The following PLCL1 variants were observed in gnomAD, a reference collection of about 807,000 sequenced individuals.
The protein encoded by PLCL1 is inactive phospholipase C-like protein 1.
In PLCL1, 41 loss-of-function variants were observed where a neutral mutation model predicts 84.4. The observed-to-expected ratio is 0.49, with a 90% CI of 0.38 to 0.63. The LOEUF (loss-of-function observed/expected upper bound fraction) is 0.63. Among genes scored for constraint, PLCL1 ranks in the 30% least tolerant of loss-of-function variants. PLCL1 has a pLI of 0.00. For synonymous variants in PLCL1, 490 were observed against 488.3 expected (o/e 1.00, Z -0.05); for missense variants, 1,206 against 1,367.8 (o/e 0.88, Z 1.87).
chr2:197,931,451 G>A (rs945195100), intron 1 of PLCL1, among the ~76,000 whole-genome samples: 12 of 152,092 alleles, frequency 7.9e-5, no homozygotes, highest in African/African-American at 2.4e-4. Context: ...AGTCTACACC[G>A]GCTGATCTTC....
chr2:198,063,094 T>A (rs911035692), intron 1 of PLCL1, among the ~76,000 whole-genome samples: 6 of 152,230 alleles, frequency 3.9e-5, no homozygotes, highest in Non-Finnish European at 7.3e-5. Context: ...GGTTCCAGTC[T>A]CATTTAATAG....
intron 1 of PLCL1, among the ~76,000 whole-genome samples, chr2:197,902,679 C>T (rs1356248740): frequency 1.3e-5 from 2 of 152,128 alleles, no homozygotes; most frequent in African/African-American, 4.8e-5. Context: ...ATGACAAATG[C>T]CAGGCTTTTC....
intron 1 of PLCL1, among the ~76,000 whole-genome samples, chr2:197,851,270 G>T (rs1687230963): frequency 6.6e-6 from 1 of 152,178 alleles, no homozygotes; most frequent in Admixed American, 6.5e-5. Context: ...TAAACATGAA[G>T]ATAGGATTTC....
At chr2:197,880,633 T>C (rs1687812189) in intron 1 of PLCL1, among the ~76,000 whole-genome samples, 1 of 152,310 alleles carries the variant, frequency 6.6e-6, no homozygotes, top group East Asian at 1.9e-4. Flanking sequence ...GTTAGGATTT[T>C]ATCTAGCACA....
intron 1 of PLCL1, among the ~76,000 whole-genome samples, chr2:197,856,491 C>T (rs1404106197): frequency 6.6e-6 from 1 of 152,038 alleles, no homozygotes; most frequent in Non-Finnish European, 1.5e-5. Flanking sequence ...TGAAAAAAAT[C>T]AGAAAAGCAT....
intron 1 of PLCL1, among the ~76,000 whole-genome samples, chr2:197,942,128 T>A (rs1362137113): frequency 1.3e-5 from 2 of 152,226 alleles, no homozygotes; most frequent in Admixed American, 6.5e-5. Flanking sequence ...ATGTGAAGAA[T>A]ATTTCCTTTT....
intron 1 of PLCL1, among the ~76,000 whole-genome samples, chr2:197,854,539 A>G (rs1262143847): frequency 6.6e-6 from 1 of 152,236 alleles, no homozygotes; most frequent in African/African-American, 2.4e-5. Flanking sequence ...GCAAAGGTAT[A>G]TAGTGCAAGA....
chr2:197,805,364 G>C lies in PLCL1; in HGVS notation c.240+25G>C, dbSNP rs1053505708. 4.5e-6 allele frequency: 6 copies of C among 1,337,112 alleles called. No individual in the cohort carries two copies. The highest frequency in any genetic ancestry group is 5.7e-6 in the Non-Finnish European group (6 of 1,049,684). The allele number at this position is 1,337,112 out of a possible 1,614,324, so 82.8% of individuals were successfully genotyped here. ...GGTAAGCAAAGCCGCGCCGCACCGGGAGCGTGGCTGTGGGTGATGGGTGGG... is the reference window on the plus strand; with the variant it reads ...GGTAAGCAAAGCCGCGCCGCACCGGCAGCGTGGCTGTGGGTGATGGGTGGG... On this transcript the variant is annotated intron_variant, in intron 1 of 5. Transcript: ENST00000428675. The surrounding 1 kb of genome is among the most constrained non-coding windows in gnomAD (Gnocchi z 4.0).
chr2:198,025,821 A>G (rs576327222), intron 1 of PLCL1, among the ~76,000 whole-genome samples: 1 of 152,266 alleles, frequency 6.6e-6, no homozygotes, highest in Admixed American at 6.5e-5. Context: ...AGTGATAACA[A>G]TCACTTAGGA....
intron 1 of PLCL1, among the ~76,000 whole-genome samples, chr2:198,009,638 T>A (rs1298729522): frequency 1.3e-5 from 2 of 152,186 alleles, no homozygotes; most frequent in East Asian, 3.9e-4. Context: ...ACTTTGTTCT[T>A]TTTCAAGATT....
intron 5 of PLCL1, among the ~76,000 whole-genome samples, chr2:198,118,651 T>C (rs1432084685): frequency 2.6e-5 from 4 of 152,022 alleles, no homozygotes; most frequent in African/African-American, 9.7e-5. Context: ...TGTCATTTCT[T>C]TTTTGCAGCA....
Position 197,959,980 on chromosome 2 carries a change from T to A in PLCL1, c.241-123778T>A, listed in dbSNP as rs555529193. Among the ~76,000 whole-genome samples the A allele has an allele frequency of 3.9e-5, 6 of 152,174 alleles. No individual in the cohort carries two copies. The South Asian group carries it at 1.0e-3, about 26-fold the overall frequency. Reference sequence around the variant, plus strand: ...CATCTGTGGCACCTCCACCTCTCAATTATAAATGACAAAGAGAGAACTAGG... The same window carrying A: ...CATCTGTGGCACCTCCACCTCTCAAATATAAATGACAAAGAGAGAACTAGG... On this transcript the variant is annotated intron_variant, in intron 1 of 5. Transcript: ENST00000428675.
intron 1 of PLCL1, among the ~76,000 whole-genome samples, chr2:197,815,325 G>A (rs973888545): frequency 6.6e-6 from 1 of 152,164 alleles, no homozygotes; most frequent in Non-Finnish European, 1.5e-5. Flanking sequence ...CAGCACATAT[G>A]TTTATAGCAT....
chr2:197,851,867 C>T (rs1168614866), intron 1 of PLCL1, among the ~76,000 whole-genome samples: 1 of 152,188 alleles, frequency 6.6e-6, no homozygotes, highest in African/African-American at 2.4e-5. Flanking sequence ...CTCACCCAAA[C>T]CCTGATGATT....
chr2:197,871,395 G>A (rs1472538879), intron 1 of PLCL1, among the ~76,000 whole-genome samples: 2 of 152,102 alleles, frequency 1.3e-5, no homozygotes, highest in Non-Finnish European at 2.9e-5. Flanking sequence ...TAAGGCAGAA[G>A]TTCTCAAGTG....
chr2:198,005,569 GGA>G (rs1208232582), intron 1 of PLCL1, among the ~76,000 whole-genome samples: 2 of 152,236 alleles, frequency 1.3e-5, no homozygotes, highest in African/African-American at 4.8e-5. Flanking sequence ...CTGTTCACAA[GGA>G]TATTATAGTC....
intron 1 of PLCL1, among the ~76,000 whole-genome samples, chr2:197,997,572 C>A (rs1271881414): frequency 6.6e-6 from 1 of 152,226 alleles, no homozygotes; most frequent in African/African-American, 2.4e-5. Context: ...CCTGCACGCA[C>A]TGATGGCTGT....
intron 1 of PLCL1, among the ~76,000 whole-genome samples, chr2:197,956,391 G>A (rs1185223830): frequency 2.0e-5 from 3 of 152,136 alleles, no homozygotes; most frequent in Non-Finnish European, 4.4e-5. Context: ...ACATGTGCAT[G>A]TGTCTTTATA....
Position 198,088,895 on chromosome 2 carries a change from C to G in PLCL1, c.2753C>G (p.Pro918Arg). The part of the protein sequence containing the change: ...IVSIKELCGL[P>R]PIASLKQCLL... ...TCTATTAAGGAACTATGTGGACTCC[C>G]TCCAATTGCCAGTCTGAAGCAGTGC... Residue 918 changes from proline to arginine, a missense_variant, in exon 3 of 6, where the codon CCT becomes CGT. Pro to Arg is a moderately radical substitution (Grantham distance 103). Transcript: ENST00000428675. The G allele has an allele frequency of 6.2e-7, 1 of 1,612,910 alleles. No individual in the cohort carries two copies. Among genetic ancestry groups the G allele is most frequent in the Non-Finnish European group, 8.5e-7 (1 of 1,178,876 alleles).
Sources: gnomAD v4.1 joint callset for allele counts (sites outside exome capture counted in the v4.1 genomes callset) on GRCh38, gnomAD v4.1.1 for gene constraint, Gnocchi (gnomAD v3.1) non-coding constraint, MANE v1.5 for transcripts, NCBI Gene and HGNC (gene_info 2026-07-23, HGNC 2026-07-21) for gene names.